The following RPL18A variants were observed in gnomAD, a reference collection of about 807,000 sequenced individuals.
RPL18A encodes the protein large ribosomal subunit protein eL20.
For missense variants in RPL18A, 163 were observed against 254.1 expected (o/e 0.64, Z 2.44); for synonymous variants, 122 against 96.9 (o/e 1.26, Z -1.52).
At chr19:17,861,080 C>T in intron 1 of RPL18A, 1 of 581,934 alleles carries the variant, frequency 1.7e-6, no homozygotes, top group Non-Finnish European at 3.1e-6. Flanking sequence ...AATTAATCCT[C>T]CCTGGAGACC....
chr19:17,861,164 G>A, intron 1 of RPL18A, 129 bp from the exon 2 acceptor site: 1 of 723,354 alleles, frequency 1.4e-6, no homozygotes. Flanking sequence ...GAATCCACAT[G>A]GAGGCCCTAG....
In RPL18A at chr19:17,861,333, C is replaced by A. The variant is rs2094276908; in HGVS notation, c.59C>A (p.Pro20His). The part of the protein sequence containing the change: ...YKVVGRCLPT[P>H]KCHTPPLYRM... ...GTAGTGGGTCGCTGCCTGCCCACCC[C>A]CAAATGCCACACGCCGCCCCTCTAC... Residue 20 changes from proline (P) to histidine (H), a missense_variant, in exon 2 of 5, where the codon CCC (proline) becomes CAC (histidine). Coordinates refer to ENST00000222247, the MANE Select transcript of RPL18A (RefSeq NM_000980.4). 3.7e-6 allele frequency: 6 copies of A among 1,613,746 alleles called. 1 individual carries two copies. In the East Asian group the frequency reaches 1.3e-4, roughly 36 times the overall value.
Position 17,859,962 on chromosome 19 carries a change from G to T in RPL18A, c.6G>T (p.Lys2Asn). The T allele has an allele frequency of 6.5e-7, 1 of 1,538,886 alleles. No homozygotes were observed. Among genetic ancestry groups the T allele is most frequent in the Non-Finnish European group, 8.7e-7 (1 of 1,143,610 alleles). Residue 2 changes from lysine (K) to asparagine (N), a missense_variant, in exon 1 of 5, where the codon AAG (lysine) becomes AAT (asparagine). Physicochemically the swap from Lys to Asn is moderately conservative, Grantham distance 94. Coordinates refer to ENST00000222247, the MANE Select transcript of RPL18A (RefSeq NM_000980.4). ...GCGAACGCGGAGAGCACGCCATGAA[G>T]GCCTCGGGCACGGTAAGGCGGGCGC... Reference protein sequence around the residue: MKASGTLREYKV... With the variant: MNASGTLREYKV...
intron 3 of RPL18A, chr19:17,862,636 C>G: frequency 1.4e-6 from 1 of 731,028 alleles, no homozygotes; most frequent in Admixed American, 1.7e-5. Flanking sequence ...GTGGTTTAAA[C>G]AGAGGTGCAA....
intron 1 of RPL18A, 186 bp from the exon 2 acceptor site, chr19:17,861,107 A>G (rs2094276492): frequency 1.7e-6 from 1 of 598,056 alleles, no homozygotes; most frequent in Non-Finnish European, 3.0e-6. Flanking sequence ...TCCTCAGTTC[A>G]TTTTGTGTAT....
chr19:17,862,257 C>T (rs763400324), intron 3 of RPL18A, 34 bp downstream of exon 3: 3 of 1,608,216 alleles, frequency 1.9e-6, no homozygotes, highest in Non-Finnish European at 2.5e-6. Context: ...GCTTTTTAGA[C>T]CCTCCTTGAC....
intron 3 of RPL18A, chr19:17,862,713 C>T (rs754474691): frequency 1.3e-6 from 1 of 761,852 alleles, no homozygotes; most frequent in East Asian, 2.4e-5. Flanking sequence ...TTTGGAGGTT[C>T]CACAACTCTA....
chr19:17,862,520 A>G (rs56708876), intron 3 of RPL18A: 13,340 of 698,980 alleles, frequency 0.019, 965 homozygotes, highest in African/African-American at 0.18. Flanking sequence ...ACCCCTGCCT[A>G]GTGTTGGGAG....
At chr19:17,862,371 A>G (rs942080843) in intron 3 of RPL18A, 148 bp downstream of exon 3, 10 of 989,372 alleles carry the variant, frequency 1.0e-5, no homozygotes, top group African/African-American at 6.5e-5. Context: ...CAGGCCCCAG[A>G]TGGCGCTTTT....
intron 1 of RPL18A, chr19:17,860,339 C>G (rs997906271): frequency 3.2e-6 from 1 of 307,786 alleles, no homozygotes; most frequent in Non-Finnish European, 6.0e-6. Flanking sequence ...TGTTTTCTTT[C>G]TGCCGGAATG....
At chr19:17,861,260 G>T in intron 1 of RPL18A, 33 bp from the exon 2 acceptor site, 1 of 1,605,304 alleles carries the variant, frequency 6.2e-7, no homozygotes, top group Non-Finnish European at 8.5e-7. Flanking sequence ...GCCTCTGGGT[G>T]CTGGCCTTAC....
intron 1 of RPL18A, chr19:17,860,206 G>T: frequency 2.0e-6 from 1 of 508,330 alleles, no homozygotes; most frequent in Non-Finnish European, 3.4e-6. Context: ...AAGGACTCCG[G>T]GTCTTCTTCC....
intron 3 of RPL18A, 30 bp from the exon 4 acceptor site, chr19:17,862,888 C>A: frequency 6.7e-7 from 1 of 1,498,084 alleles, no homozygotes; most frequent in Non-Finnish European, 9.3e-7. Flanking sequence ...CCAGGCAACA[C>A]CGTCACCCTG....
chr19:17,860,001 G>A (rs951359937), intron 1 of RPL18A, 27 bp downstream of exon 1: 21 of 1,510,546 alleles, frequency 1.4e-5, no homozygotes, highest in Non-Finnish European at 1.9e-5. Flanking sequence ...GCGGCAGGGG[G>A]CCAAGGGATG....
chr19:17,861,693 G>C (rs1476505121), intron 2 of RPL18A: 7 of 575,670 alleles, frequency 1.2e-5, no homozygotes, highest in Non-Finnish European at 2.1e-5. Flanking sequence ...AGGGACCCAG[G>C]GAGCGGGTGG....
intron 1 of RPL18A, chr19:17,860,435 C>G (rs963804426): frequency 3.7e-5 from 6 of 162,576 alleles, no homozygotes; most frequent in African/African-American, 1.4e-4. Flanking sequence ...TGGATAGAAT[C>G]AAACGGCTCT....
chr19:17,862,041 T>G, intron 2 of RPL18A, 53 bp from the exon 3 acceptor site: 1 of 1,599,752 alleles, frequency 6.3e-7, no homozygotes, highest in Non-Finnish European at 8.5e-7. Context: ...AGGATGGGGC[T>G]AGGGCACATC....
intron 1 of RPL18A, among the ~76,000 whole-genome samples, chr19:17,860,503 C>T (rs944152594): frequency 6.6e-6 from 1 of 152,196 alleles, no homozygotes; most frequent in Non-Finnish European, 1.5e-5. Flanking sequence ...ATGTCCAGAT[C>T]TCCAGCTTCG....
chr19:17,863,055 G>A (rs1170962559), intron 4 of RPL18A, 28 bp downstream of exon 4: 2 of 1,580,082 alleles, frequency 1.3e-6, no homozygotes, highest in Non-Finnish European at 1.7e-6. Context: ...CTCCCCTGGA[G>A]GGAAGTGCCT....
Sources: allele counts gnomAD v4.1 joint callset (sites outside exome capture counted in the v4.1 genomes callset), GRCh38; gene constraint gnomAD v4.1.1; transcripts MANE v1.5; gene names NCBI Gene and HGNC (gene_info 2026-07-23, HGNC 2026-07-21).